The following C12orf42 variants were observed in gnomAD, a reference collection of about 807,000 sequenced individuals.
C12orf42 encodes chromosome 12 open reading frame 42, also known as uncharacterized protein C12orf42.
A neutral mutation model predicts 21.6 loss-of-function variants in C12orf42; 25 were observed. The ratio of observed to expected loss-of-function variants is 1.16; its 90% confidence interval spans 0.84 to 1.62. The LOEUF is 1.62. C12orf42 is among the 40% of genes most tolerant of loss of function. The pLI is 0.00. For synonymous variants in C12orf42, 174 were observed against 175.0 expected, an observed-to-expected ratio of 0.99 and a Z score of 0.05; for missense variants, 483 against 459.3, an observed-to-expected ratio of 1.05 and a Z score of -0.47.
the C12orf42 span, among the ~76,000 whole-genome samples, chr12:103,127,222 T>A: frequency 6.6e-6 from 1 of 152,350 alleles, no homozygotes; most frequent in Admixed American, 6.5e-5. Context: ...AAAATATCAC[T>A]AAGTTTTTTG....
the C12orf42 span, among the ~76,000 whole-genome samples, chr12:103,205,527 A>G: frequency 2.6e-5 from 4 of 152,162 alleles, no homozygotes; most frequent in African/African-American, 9.7e-5. Context: ...CCTTCTCAAG[A>G]CTTGTAGGGA....
chr12:103,338,983 T>TA (rs1256024966), intron 4 of C12orf42, among the ~76,000 whole-genome samples: 1 of 152,176 alleles, frequency 6.6e-6, no homozygotes, highest in South Asian at 2.1e-4. Context: ...TACATTTTTA[T>TA]AAAAAAGCAG....
chr12:103,333,358 G>A (rs1301210822), intron 4 of C12orf42, among the ~76,000 whole-genome samples: 1 of 152,098 alleles, frequency 6.6e-6, no homozygotes, highest in Non-Finnish European at 1.5e-5. Context: ...TAGAGTATTT[G>A]TTACATAGTA....
chr12:103,056,087 T>C, the C12orf42 span, among the ~76,000 whole-genome samples: 1 of 152,124 alleles, frequency 6.6e-6, no homozygotes, highest in African/African-American at 2.4e-5. Flanking sequence ...TCTATACACT[T>C]GCTAATTTTC....
At chr12:103,284,847 T>C (rs371758084) in intron 4 of C12orf42, among the ~76,000 whole-genome samples, 3 of 152,280 alleles carry the variant, frequency 2.0e-5, no homozygotes, top group East Asian at 1.9e-4. Flanking sequence ...ACTACTATAA[T>C]ATAAGCTGGA....
intron 2 of C12orf42, among the ~76,000 whole-genome samples, chr12:103,412,295 C>T (rs917143298): frequency 2.6e-5 from 4 of 152,132 alleles, no homozygotes; most frequent in Non-Finnish European, 4.4e-5. Context: ...GTTTTACCTC[C>T]GCTAAACAGT....
chr12:103,140,754 C>T, the C12orf42 span, among the ~76,000 whole-genome samples: 1 of 152,040 alleles, frequency 6.6e-6, no homozygotes, highest in Non-Finnish European at 1.5e-5. Flanking sequence ...ACCAATAAAG[C>T]TGAAAGTCTA....
At chr12:103,317,396 C>T (rs1042057654) in intron 4 of C12orf42, among the ~76,000 whole-genome samples, 1 of 152,236 alleles carries the variant, frequency 6.6e-6, no homozygotes, top group Non-Finnish European at 1.5e-5. Flanking sequence ...AGGATACCGC[C>T]TCTTCCCCAT....
At chr12:103,538,202 C>T in the C12orf42 span, among the ~76,000 whole-genome samples, 12 of 152,108 alleles carry the variant, frequency 7.9e-5, no homozygotes, top group Admixed American at 5.9e-4. Flanking sequence ...GATGTGCATT[C>T]TTTCCAAAAA....
At position 103,360,831 on chromosome 12, in the gene C12orf42, G is replaced by A. The variant is rs80055687; in HGVS notation, c.259+8056C>T. Among the ~76,000 whole-genome samples, 1,387 of 152,136 alleles carry A rather than the reference G, an allele frequency of 9.1e-3. 18 individuals carry two copies. Among genetic ancestry groups the A allele is most frequent in the African/African-American group, 0.032 (1,319 of 41,514 alleles). On this transcript the variant is annotated intron_variant, in intron 4 of 5. Transcript: ENST00000548883. ...CATATGATTTTATTGGGCCCTTTGG[G>A]GGAATCACTAATGCTCATCAAAGGG...
the C12orf42 span, among the ~76,000 whole-genome samples, chr12:103,169,233 G>A: frequency 1.6e-4 from 24 of 151,410 alleles, no homozygotes; most frequent in African/African-American, 2.2e-4. Flanking sequence ...CAGCTTCTTC[G>A]TGCACTATGT....
At chr12:103,314,934 C>T (rs1405355938) in intron 4 of C12orf42, among the ~76,000 whole-genome samples, 5 of 152,092 alleles carry the variant, frequency 3.3e-5, no homozygotes, top group East Asian at 1.9e-4. Context: ...AGTATAATAA[C>T]GGTGGATTAC....
chr12:103,298,695 C>T (rs944223850), downstream of C12orf42, among the ~76,000 whole-genome samples: 5 of 152,236 alleles, frequency 3.3e-5, no homozygotes, highest in East Asian at 1.9e-4. Context: ...GCACCCTTGG[C>T]TCTTGAGATC....
chr12:103,063,941 G>C, the C12orf42 span, among the ~76,000 whole-genome samples: 1 of 152,250 alleles, frequency 6.6e-6, no homozygotes, highest in South Asian at 2.1e-4. Context: ...TAATGTTGTA[G>C]CTCAGGGAGT....
chr12:103,367,766 A>AT (rs1437914660), intron 4 of C12orf42, among the ~76,000 whole-genome samples: 1 of 151,838 alleles, frequency 6.6e-6, no homozygotes, highest in Non-Finnish European at 1.5e-5. Context: ...TAAATGTATT[A>AT]TCCCCCCCCA....
intron 2 of C12orf42, among the ~76,000 whole-genome samples, chr12:103,414,562 T>C (rs1259160932): frequency 6.6e-6 from 1 of 152,228 alleles, no homozygotes; most frequent in Non-Finnish European, 1.5e-5. Flanking sequence ...TTGCATCCGA[T>C]GTTTTTAAGC....
chr12:103,256,827 A>G (rs1156922735), intron 10 of C12orf42, among the ~76,000 whole-genome samples: 1 of 152,186 alleles, frequency 6.6e-6, no homozygotes, highest in African/African-American at 2.4e-5. Flanking sequence ...TCAAGAAACA[A>G]GCAATTATAT....
chr12:103,364,182 T>A (rs1048044682), intron 4 of C12orf42, among the ~76,000 whole-genome samples: 1 of 151,930 alleles, frequency 6.6e-6, no homozygotes, highest in Non-Finnish European at 1.5e-5. Context: ...GGAAATCAAC[T>A]CCAGAAAGAA....
At chr12:103,210,639 C>CTTTTTTTTTTTTTTT in the C12orf42 span, among the ~76,000 whole-genome samples, 9 of 77,656 alleles carry the variant, frequency 1.2e-4, no homozygotes, top group East Asian at 8.7e-4. Flanking sequence ...CCCTCTATTT[C>CTTTTTTTTTTTTTTT]TTTTTTTTTT....
Sources: allele counts gnomAD v4.1 joint callset (sites outside exome capture counted in the v4.1 genomes callset), GRCh38; gene constraint gnomAD v4.1.1; transcripts MANE v1.5; gene names NCBI Gene and HGNC (gene_info 2026-07-23, HGNC 2026-07-21).